MEG3: variants seen among roughly 807,000 people sequenced by gnomAD.
MEG3 encodes maternally expressed 3.
Position 100,837,745 on chromosome 14 carries a change from G to C in MEG3, n.3045+1445G>C, listed in dbSNP as rs1184104167. Among the ~76,000 whole-genome samples, 1 of 152,042 alleles carries C rather than the reference G, an allele frequency of 6.6e-6. No homozygotes were observed. Among genetic ancestry groups the C allele is most frequent in the Non-Finnish European group, 1.5e-5 (1 of 68,034 alleles). ...TAATCAAACAGAGGATTTGGAGACA[G>C]CTCTCCTGCAGCCCTGCACTTCTCC... is the stretch of plus-strand genomic sequence containing the variant. On this transcript the variant is annotated intron_variant and non_coding_transcript_variant, in intron 2 of 3. Transcript: ENST00000398461. The surrounding 1 kb of genome is among the most constrained non-coding windows in gnomAD (Gnocchi z 5.8).
intron 1 of MEG3, chr14:100,835,943 G>A (rs2037559549): frequency 1.2e-5 from 4 of 324,200 alleles, no homozygotes; most frequent in South Asian, 5.1e-5. Flanking sequence ...GCTCTGCCCC[G>A]CCCGGTCCCT....
chr14:100,860,947 G>A (rs1409216273), exon 2 of MEG3: 6 of 326,436 alleles, frequency 1.8e-5, no homozygotes, highest in South Asian at 1.4e-4. Context: ...TGTGAGGGGC[G>A]CTGTGATGCG....
intron 2 of MEG3, among the ~76,000 whole-genome samples, chr14:100,841,050 C>T (rs781443506): frequency 1.3e-5 from 2 of 152,174 alleles, no homozygotes; most frequent in Non-Finnish European, 2.9e-5. Context: ...AGGAGGGGGT[C>T]ATGGTGGCCC....
chr14:100,853,307 T>G (rs995223729), upstream of MEG3: 1 of 152,232 alleles, frequency 6.6e-6, no homozygotes, highest in Non-Finnish European at 1.5e-5. Flanking sequence ...GGCCTCCTCT[T>G]GTGACTCCCA....
downstream of MEG3, chr14:100,832,911 G>C (rs921983264): frequency 6.6e-6 from 1 of 152,268 alleles, no homozygotes; most frequent in Non-Finnish European, 1.5e-5. Context: ...CTGAGGACTG[G>C]GGGGGCCACT....
At chr14:100,839,931 T>G (rs2037700829) in intron 2 of MEG3, among the ~76,000 whole-genome samples, 1 of 137,134 alleles carries the variant, frequency 7.3e-6, no homozygotes, top group African/African-American at 2.7e-5. Flanking sequence ...TGGGCCCTGA[T>G]CCTCACCATG....
chr14:100,826,658 C>T (rs2037240571), intron 1 of MEG3, among the ~76,000 whole-genome samples: 1 of 152,170 alleles, frequency 6.6e-6, no homozygotes, highest in African/African-American at 2.4e-5. Flanking sequence ...GGGGGAAGCA[C>T]CCGAATAGAA....
downstream of MEG3, chr14:100,832,149 T>C (rs918635633): frequency 1.3e-5 from 2 of 151,668 alleles, no homozygotes; most frequent in African/African-American, 4.8e-5. Flanking sequence ...TTAGAAAATA[T>C]TAAAAGCCAC....
intron 3 of MEG3, chr14:100,852,115 G>A (rs190127663): frequency 7.2e-5 from 24 of 334,872 alleles, no homozygotes; most frequent in Non-Finnish European, 1.2e-4. Context: ...AGGCCATCTG[G>A]AGTGGGAGGC....
upstream of MEG3, chr14:100,856,900 C>G (rs893218822): frequency 6.6e-6 from 1 of 152,194 alleles, no homozygotes; most frequent in Non-Finnish European, 1.5e-5. Context: ...ATATTAGGCA[C>G]CAGCCATCAA....
At chr14:100,859,458 T>C (rs1467605596) in exon 1 of MEG3, 1 of 152,174 alleles carries the variant, frequency 6.6e-6, no homozygotes, top group African/African-American at 2.4e-5. Context: ...AGAATACATT[T>C]GGCAATTTCC....
chr14:100,840,693 G>A (rs1394722920), intron 2 of MEG3, among the ~76,000 whole-genome samples: 1 of 152,150 alleles, frequency 6.6e-6, no homozygotes, highest in African/African-American at 2.4e-5. Context: ...AGATTCTAGG[G>A]CTTGATTTTG....
chr14:100,834,891 G>A lies in MEG3; in HGVS notation n.1923G>A, dbSNP rs1012127539. The A allele has an allele frequency of 5.2e-5, 23 of 441,276 alleles. No individual in the cohort carries two copies. In the East Asian group the frequency reaches 1.3e-3, roughly 26 times the overall value. 27.3% of individuals were successfully genotyped at this position (441,276 alleles called of 1,614,324 possible). A position where few individuals can be genotyped will look rare whatever the true frequency, so the allele number is the denominator to read the frequency against. On this transcript the variant is annotated non_coding_transcript_exon_variant, in exon 1 of 4. Coordinates refer to the MEG3 transcript ENST00000398461. ...CTTCCGACCCCTGCCCCATTTGAACGGGGGCCTTGCTGGTCGCGTCCCTGC... is the reference window on the plus strand; with the variant it reads ...CTTCCGACCCCTGCCCCATTTGAACAGGGGCCTTGCTGGTCGCGTCCCTGC...
chr14:100,859,533 C>T (rs1167460483), exon 1 of MEG3: 2 of 152,186 alleles, frequency 1.3e-5, no homozygotes, highest in African/African-American at 2.4e-5. Context: ...CTTCAGAAGC[C>T]CCTGCCTTGG....
intron 3 of MEG3, chr14:100,851,845 GTC>G (rs1292146775): frequency 1.9e-5 from 3 of 155,062 alleles, no homozygotes; most frequent in Non-Finnish European, 4.3e-5. Context: ...CGTGCTGACA[GTC>G]CTCCCCCAGG....
At chr14:100,839,209 T>C (rs1365002881) in intron 2 of MEG3, among the ~76,000 whole-genome samples, 1 of 152,018 alleles carries the variant, frequency 6.6e-6, no homozygotes, top group African/African-American at 2.4e-5. Context: ...CCCAAAGGGT[T>C]AAAGGGCAGT....
At chr14:100,843,467 C>T (rs942251217) in intron 2 of MEG3, among the ~76,000 whole-genome samples, 5 of 152,226 alleles carry the variant, frequency 3.3e-5, no homozygotes, top group Admixed American at 1.3e-4. Context: ...TTTAGGTAAC[C>T]GAAGTCGGCC....
At chr14:100,841,307 C>T (rs2037751647) in intron 2 of MEG3, among the ~76,000 whole-genome samples, 1 of 152,216 alleles carries the variant, frequency 6.6e-6, no homozygotes, top group Admixed American at 6.5e-5. Context: ...CTGTGCTCAG[C>T]CCTGACTATG....
intron 1 of MEG3, among the ~76,000 whole-genome samples, chr14:100,826,779 G>A (rs937621505): frequency 6.6e-6 from 1 of 152,118 alleles, no homozygotes; most frequent in African/African-American, 2.4e-5. Context: ...CAAATACACA[G>A]GTTTAGTGCA....
Sources: gnomAD v4.1 joint callset for allele counts (sites outside exome capture counted in the v4.1 genomes callset) on GRCh38, gnomAD v4.1.1 for gene constraint, Gnocchi (gnomAD v3.1) non-coding constraint, MANE v1.5 for transcripts, NCBI Gene and HGNC (gene_info 2026-07-23, HGNC 2026-07-21) for gene names.